TASP1: variants seen among roughly 807,000 people sequenced by gnomAD.
TASP1 encodes threonine aspartase 1.
TASP1 carries 16 observed loss-of-function variants against 56.6 expected under a neutral mutation model. The ratio of observed to expected loss-of-function variants is 0.28; its 90% CI spans 0.19 to 0.43. TASP1 has a LOEUF of 0.43. Among genes scored for constraint, TASP1 ranks in the 20% least tolerant of loss-of-function variants. The pLI is 1.00. For synonymous variants in TASP1, 179 were observed against 184.2 expected, an observed-to-expected ratio of 0.97 and a Z score of 0.23; for missense variants, 393 against 511.6, an observed-to-expected ratio of 0.77 and a Z score of 2.24.
chr20:13,566,216 C>T (rs1268154360), intron 7 of TASP1, among the ~76,000 whole-genome samples: 3 of 152,020 alleles, frequency 2.0e-5, no homozygotes, highest in Non-Finnish European at 2.9e-5. Flanking sequence ...TTTGGTGTTA[C>T]GAGATGAAGA....
the TASP1 span, among the ~76,000 whole-genome samples, chr20:13,199,205 CTT>C: frequency 6.6e-6 from 1 of 151,994 alleles, no homozygotes; most frequent in Non-Finnish European, 1.5e-5. Flanking sequence ...ATTTGGCCCT[CTT>C]GTTTTCCTTT....
Position 13,526,207 on chromosome 20 carries a change from C to G in TASP1, c.874+2226G>C, listed in dbSNP as rs187938952. 1.7e-4 allele frequency among the ~76,000 whole-genome samples: 26 copies of G among 152,224 alleles called. No individual in the cohort carries two copies. The East Asian group carries it at 4.4e-3, about 26-fold the overall frequency. ...TGGAAATCTCTTTTCCAAATTGACA[C>G]AATCAGGCAGGCTCTCAGGATTTCA... On this transcript the variant is annotated intron_variant, in intron 10 of 13. Coordinates refer to ENST00000337743, the MANE Select transcript of TASP1 (RefSeq NM_017714.3).
intron 1 of TASP1, among the ~76,000 whole-genome samples, chr20:13,632,130 C>A (rs1445704654): frequency 6.6e-6 from 1 of 151,102 alleles, no homozygotes; most frequent in Non-Finnish European, 1.5e-5. Context: ...TTTGGGAGGC[C>A]GAGGCAGGCA....
At chr20:13,597,112 A>G (rs1000706980) in intron 4 of TASP1, among the ~76,000 whole-genome samples, 2 of 152,222 alleles carry the variant, frequency 1.3e-5, no homozygotes, top group Admixed American at 6.5e-5. Flanking sequence ...TACAAAGGGG[A>G]GCTGGTATCA....
intron 13 of TASP1, among the ~76,000 whole-genome samples, chr20:13,417,211 G>A (rs1329601168): frequency 1.3e-5 from 2 of 152,160 alleles, no homozygotes; most frequent in Non-Finnish European, 2.9e-5. Context: ...GGGCTGTGGG[G>A]GAAAGTGGGC....
chr20:13,196,676 T>A, the TASP1 span, among the ~76,000 whole-genome samples: 8 of 152,198 alleles, frequency 5.3e-5, no homozygotes, highest in Non-Finnish European at 1.2e-4. Flanking sequence ...GTTGAAGTGA[T>A]CTTTTGTATA....
intron 8 of TASP1, among the ~76,000 whole-genome samples, chr20:13,539,386 C>CA (rs1179198904): frequency 2.0e-5 from 3 of 151,856 alleles, no homozygotes; most frequent in African/African-American, 4.8e-5. Context: ...CCTGCCTCTA[C>CA]AAAAAATAAA....
rs541867410 is a variant in TASP1 at position 13,472,187 on chromosome 20, A to G, written c.985+11040T>C. On this transcript the variant is annotated intron_variant, in intron 11 of 13. Coordinates refer to ENST00000337743, the MANE Select transcript of TASP1 (RefSeq NM_017714.3). Reference sequence around the variant, plus strand: ...GACTCAGAAATAACACCATGCATCTACAACCATCTCATCTTTGACAAACCT... The same window carrying G: ...GACTCAGAAATAACACCATGCATCTGCAACCATCTCATCTTTGACAAACCT... Among the ~76,000 whole-genome samples the G allele has an allele frequency of 7.9e-5, 12 of 150,946 alleles. No homozygotes were observed. The East Asian group carries it at 2.3e-3, about 29-fold the overall frequency.
the TASP1 span, among the ~76,000 whole-genome samples, chr20:13,195,343 C>T: frequency 1.3e-5 from 2 of 152,196 alleles, no homozygotes; most frequent in African/African-American, 4.8e-5. Flanking sequence ...CAGTGGCAGG[C>T]ATCTATGTCC....
chr20:13,221,988 C>T, the TASP1 span: 3 of 1,238,334 alleles, frequency 2.4e-6, no homozygotes, highest in Non-Finnish European at 3.1e-6. Flanking sequence ...GAGCTAGTGC[C>T]GGGTGGATGC....
chr20:13,252,946 C>A, the TASP1 span, among the ~76,000 whole-genome samples: 3 of 152,200 alleles, frequency 2.0e-5, no homozygotes, highest in Non-Finnish European at 4.4e-5. Context: ...CCTCTCAGAT[C>A]TCACTTAATC....
chr20:13,118,422 A>G, the TASP1 span, among the ~76,000 whole-genome samples: 253 of 135,370 alleles, frequency 1.9e-3, 3 homozygotes, highest in African/African-American at 6.4e-3. Context: ...CTGTCATTCT[A>G]GTGCCAATAT....
chr20:13,144,414 T>C, the TASP1 span, among the ~76,000 whole-genome samples: 1 of 152,188 alleles, frequency 6.6e-6, no homozygotes, highest in African/African-American at 2.4e-5. Context: ...TCCTGAGAAA[T>C]AGATGTAGTA....
chr20:13,136,442 AC>A, the TASP1 span, among the ~76,000 whole-genome samples: 1 of 151,808 alleles, frequency 6.6e-6, no homozygotes, highest in African/African-American at 2.4e-5. Flanking sequence ...ACCAAAACAT[AC>A]AAAAAAATTA....
At chr20:13,590,532 G>T (rs538806491) in intron 4 of TASP1, among the ~76,000 whole-genome samples, 1 of 152,178 alleles carries the variant, frequency 6.6e-6, no homozygotes, top group African/African-American at 2.4e-5. Flanking sequence ...GTTCAGGTAG[G>T]TATATGAAAG....
At chr20:13,522,945 G>A (rs1371326921) in intron 10 of TASP1, among the ~76,000 whole-genome samples, 2 of 152,120 alleles carry the variant, frequency 1.3e-5, no homozygotes, top group Non-Finnish European at 2.9e-5. Context: ...TTTACAGGAG[G>A]AGCAAGTTAT....
At chr20:13,506,774 T>G (rs1478411142) in intron 10 of TASP1, among the ~76,000 whole-genome samples, 2 of 151,820 alleles carry the variant, frequency 1.3e-5, no homozygotes, top group Non-Finnish European at 2.9e-5. Context: ...ACTTCAATGG[T>G]CAAAAGTTGA....
chr20:13,394,590 C>T (rs910017603), intron 13 of TASP1, among the ~76,000 whole-genome samples: 3 of 150,734 alleles, frequency 2.0e-5, no homozygotes, highest in African/African-American at 4.9e-5. Flanking sequence ...CCAGCCTGGG[C>T]GACAGAGCGA....
the TASP1 span, among the ~76,000 whole-genome samples, chr20:13,231,569 C>T: frequency 2.0e-5 from 3 of 152,162 alleles, 1 homozygote; most frequent in South Asian, 4.1e-4. Context: ...CAGACCAGCA[C>T]GTGTCCCTGG....
Sources: gnomAD v4.1 joint callset for allele counts (sites outside exome capture counted in the v4.1 genomes callset) on GRCh38, gnomAD v4.1.1 for gene constraint, MANE v1.5 for transcripts, NCBI Gene and HGNC (gene_info 2026-07-23, HGNC 2026-07-21) for gene names.